The following ADGRV1 variants were observed in gnomAD, a reference collection of about 807,000 sequenced individuals.
ADGRV1 encodes adhesion G protein-coupled receptor V1, also known as G-protein coupled receptor 98.
Under a neutral mutation model 596.2 loss-of-function variants are expected in ADGRV1, and 359 were observed. The observed-to-expected ratio is 0.60, with a 90% CI of 0.55 to 0.66. ADGRV1 has a LOEUF of 0.66. ADGRV1 is among the 30% of genes least tolerant of loss of function. ADGRV1 has a pLI of 0.00. For synonymous variants in ADGRV1, 2,681 were observed against 2,679.2 expected, an observed-to-expected ratio of 1.00 and a Z score of -0.02; for missense variants, 7,274 against 7,575.6, an observed-to-expected ratio of 0.96 and a Z score of 1.48.
chr5:91,122,954 C>G lies in ADGRV1; in HGVS notation c.18432+20614C>G, dbSNP rs552583860. 4.6e-5 allele frequency among the ~76,000 whole-genome samples: 7 copies of G among 152,328 alleles called. No individual in the cohort carries two copies. In the South Asian group the frequency reaches 1.0e-3, roughly 23 times the overall value. On this transcript the variant is annotated intron_variant, in intron 87 of 89. Transcript: ENST00000405460. Reference sequence around the variant, plus strand: ...ACTCCTAGACTTCCTGCCTGTTTCTCCTACTCCTGGAGCGAAAGTGAACAT... The same window carrying G: ...ACTCCTAGACTTCCTGCCTGTTTCTGCTACTCCTGGAGCGAAAGTGAACAT...
At chr5:90,844,167 AT>A (rs1326632172) in intron 78 of ADGRV1, among the ~76,000 whole-genome samples, 1 of 152,206 alleles carries the variant, frequency 6.6e-6, no homozygotes, top group Non-Finnish European at 1.5e-5. Flanking sequence ...GCCATATGAA[AT>A]TATATACACT....
At chr5:90,938,213 T>G (rs1460827290) in intron 83 of ADGRV1, among the ~76,000 whole-genome samples, 2 of 152,086 alleles carry the variant, frequency 1.3e-5, no homozygotes, top group Non-Finnish European at 2.9e-5. Context: ...AAAAAAAAAT[T>G]TTTTGGAGTT....
intron 83 of ADGRV1, among the ~76,000 whole-genome samples, chr5:90,919,761 G>A (rs1028420995): frequency 1.3e-5 from 2 of 152,022 alleles, no homozygotes; most frequent in South Asian, 2.1e-4. Context: ...TTGGGAGGCC[G>A]AGGTGGGCGG....
At chr5:91,142,859 G>A (rs1379247442) in intron 87 of ADGRV1, among the ~76,000 whole-genome samples, 6 of 152,284 alleles carry the variant, frequency 3.9e-5, no homozygotes, top group East Asian at 1.9e-4. Context: ...TTGGGGTTTC[G>A]CTTTGCCAGC....
intron 53 of ADGRV1, among the ~76,000 whole-genome samples, chr5:90,752,178 A>G (rs185150601): frequency 3.0e-4 from 46 of 152,328 alleles, no homozygotes; most frequent in African/African-American, 1.0e-3. Context: ...AGCGATAGAC[A>G]ATATGCAATT....
intron 85 of ADGRV1, among the ~76,000 whole-genome samples, chr5:91,035,861 T>TATATAATATATATATATATATAA: frequency 1.0e-5 from 1 of 96,402 alleles, no homozygotes; most frequent in African/African-American, 3.8e-5. Flanking sequence ...TATATATATA[T>TATATAATATATATATATATATAA]TATATATATA....
At chr5:90,869,096 G>A (rs1263402148) in intron 83 of ADGRV1, among the ~76,000 whole-genome samples, 1 of 152,026 alleles carries the variant, frequency 6.6e-6, no homozygotes, top group Non-Finnish European at 1.5e-5. Context: ...TAAGAACCAA[G>A]TATATACAGA....
chr5:91,071,450 A>T (rs1418116865), intron 85 of ADGRV1, among the ~76,000 whole-genome samples: 1 of 152,060 alleles, frequency 6.6e-6, no homozygotes, highest in Non-Finnish European at 1.5e-5. Flanking sequence ...TGGTTCCCAA[A>T]GTGTGTTCCA....
chr5:90,614,155 G>GAAAAAAAA (rs11286344), intron 1 of ADGRV1: 1 of 246,164 alleles, frequency 4.1e-6, no homozygotes, highest in Non-Finnish European at 7.4e-6. Context: ...ATATCATAGT[G>GAAAAAAAA]AAAAAAAAAA....
intron 85 of ADGRV1, among the ~76,000 whole-genome samples, chr5:91,025,978 C>T (rs1038235161): frequency 5.3e-5 from 8 of 152,062 alleles, no homozygotes; most frequent in South Asian, 2.1e-4. Context: ...CTAATAATGA[C>T]GGTAATACTT....
chr5:90,749,768 C>T (rs114779335), intron 52 of ADGRV1, among the ~76,000 whole-genome samples: 2,598 of 152,138 alleles, frequency 0.017, 60 homozygotes, highest in African/African-American at 0.057. Flanking sequence ...TGACAAGAGA[C>T]GTTGTGTATG....
At position 91,153,288 on chromosome 5, in the gene ADGRV1, G is replaced by A; in HGVS notation, c.18692G>A (p.Ser6231Asn). The change falls in exon 89 of 90, where the codon AGT becomes AAT. Residue 6231 changes from serine (S) to asparagine (N), a missense_variant. This residue lies in a region of ADGRV1 where 1,874 missense variants were observed against 1,970.2 expected (regional missense o/e 0.95). Coordinates refer to ENST00000405460, the MANE Select transcript of ADGRV1 (RefSeq NM_032119.4). Reference sequence around the variant, plus strand: ...CAGGCCAGCCCTGATTTAAAGCCAAGTCCACAAAATGGAGCCACGTTCCCG... The same window carrying A: ...CAGGCCAGCCCTGATTTAAAGCCAAATCCACAAAATGGAGCCACGTTCCCG... ...GSQASPDLKPSPQNGATFPSS... is the reference protein window; with the variant it reads ...GSQASPDLKPNPQNGATFPSS... 1 of 1,610,390 alleles carries A rather than the reference G, an allele frequency of 6.2e-7. No homozygotes were observed. The highest frequency in any genetic ancestry group is 8.5e-7 in the Non-Finnish European group (1 of 1,178,342).
chr5:90,855,658 GTAAGCTATTTTTCT>G, intron 81 of ADGRV1, 69 bp from the exon 82 acceptor site: 1 of 905,030 alleles, frequency 1.1e-6, no homozygotes, highest in Non-Finnish European at 1.7e-6. Context: ...CTTAATTTCA[GTAAGCTATTTTTCT>G]TTAAAAGCCA....
At chr5:90,751,805 T>C (rs780965681) in intron 53 of ADGRV1, among the ~76,000 whole-genome samples, 1 of 152,208 alleles carries the variant, frequency 6.6e-6, no homozygotes, top group Non-Finnish European at 1.5e-5. Context: ...GGAGCTTCTG[T>C]ATATTAAGAA....
At chr5:91,033,675 C>T (rs1484687351) in intron 85 of ADGRV1, among the ~76,000 whole-genome samples, 4 of 152,182 alleles carry the variant, frequency 2.6e-5, no homozygotes, top group African/African-American at 7.2e-5. Context: ...CTGTGAGCCG[C>T]AGGACTTCAG....
Position 91,150,736 on chromosome 5 carries a change from C to T in ADGRV1, c.18624+515C>T, listed in dbSNP as rs546947078. 8.3e-4 allele frequency among the ~76,000 whole-genome samples: 127 copies of T among 152,290 alleles called. 2 individuals are homozygous for T. The highest frequency in any genetic ancestry group is 1.5e-3 in the Non-Finnish European group (102 of 68,024). On this transcript the variant is annotated intron_variant, in intron 88 of 89. Coordinates refer to ENST00000405460, the MANE Select transcript of ADGRV1 (RefSeq NM_032119.4). ...ACATACCAGAAAATATTTTAGAAAA[C>T]AAGCTCAGAAGAGTGCTTCTGCAGC...
In ADGRV1 at chr5:90,805,504, G is replaced by C. The variant is rs557748720; in HGVS notation, c.14836+46G>C. ...GATGAGTCCTGTAGAATATTGGAAG[G>C]ATATCACTGGCCACTAATTGTCTTG... On this transcript the variant is annotated intron_variant, in intron 72 of 89. Coordinates refer to ENST00000405460, the MANE Select transcript of ADGRV1 (RefSeq NM_032119.4). 2.1e-6 allele frequency: 3 copies of C among 1,427,316 alleles called. No individual in the cohort carries two copies. In the South Asian group the frequency reaches 4.5e-5, roughly 21 times the overall value. 88.4% of individuals were successfully genotyped at this position (1,427,316 alleles called of 1,614,324 possible).
intron 85 of ADGRV1, among the ~76,000 whole-genome samples, chr5:91,057,634 C>T (rs1268803460): frequency 6.6e-6 from 1 of 152,166 alleles, no homozygotes; most frequent in African/African-American, 2.4e-5. Flanking sequence ...ATAACAGGAA[C>T]ATCCTGTTGA....
intron 75 of ADGRV1, 111 bp from the exon 76 acceptor site, chr5:90,823,314 G>A (rs1763766360): frequency 1.8e-6 from 2 of 1,087,658 alleles, no homozygotes; most frequent in Non-Finnish European, 2.7e-6. Context: ...TGGATGAAGA[G>A]GTACCATTTG....
Sources: gnomAD v4.1 joint callset for allele counts (sites outside exome capture counted in the v4.1 genomes callset) on GRCh38, gnomAD v4.1.1 for gene constraint, gnomAD v4.1.1 regional missense constraint, MANE v1.5 for transcripts, NCBI Gene and HGNC (gene_info 2026-07-23, HGNC 2026-07-21) for gene names.